CACNA1A: variants seen among roughly 807,000 people sequenced by gnomAD.
CACNA1A encodes the protein calcium voltage-gated channel subunit alpha1 A.
CACNA1A carries 57 observed loss-of-function variants against 262.4 expected under a neutral mutation model. The ratio of observed to expected loss-of-function variants is 0.22; its 90% CI spans 0.18 to 0.27. The LOEUF is 0.27. CACNA1A is among the 10% of genes least tolerant of loss of function. The pLI is 1.00. For missense variants in CACNA1A, 2,526 were observed against 3,562.8 expected, an observed-to-expected ratio of 0.71 and a Z score of 7.41; for synonymous variants, 1,431 against 1,419.3, an observed-to-expected ratio of 1.01 and a Z score of -0.18.
intron 3 of CACNA1A, among the ~76,000 whole-genome samples, chr19:13,374,065 T>C (rs1057487141): frequency 2.6e-5 from 4 of 151,962 alleles, no homozygotes; most frequent in African/African-American, 9.7e-5. Flanking sequence ...ATCTGGCCAG[T>C]GGGGAAAGAA....
chr19:13,223,888 G>A (rs2055334076), intron 38 of CACNA1A, among the ~76,000 whole-genome samples: 1 of 152,152 alleles, frequency 6.6e-6, no homozygotes, highest in Admixed American at 6.6e-5. Context: ...CAAATGGGCC[G>A]GGTGTGGTGG....
Position 13,207,507 on chromosome 19 carries a change from C to T in CACNA1A, c.7327G>A (p.Ala2443Thr), listed in dbSNP as rs533884784. The change falls in exon 47 of 47, where the codon GCG becomes ACG. Residue 2443 changes from alanine to threonine, a missense_variant. By Grantham distance (58) the Ala-to-Thr change is moderately conservative. Transcript: ENST00000360228. This position sits in a 1 kb window ranked among gnomAD's most constrained non-coding sequence, Gnocchi z 5.7. ...GAGCGCCCGGTGGCGCCCGAGGACG[C>T]GTGTCGTACGGGGGGTGGCGCGTCG... is the stretch of plus-strand genomic sequence containing the variant. ...AYDAPPPVRH[A>T]SSGATGRSPR... 124 of 1,426,160 alleles carry T rather than the reference C, an allele frequency of 8.7e-5. No homozygotes were observed. Among genetic ancestry groups the T allele is most frequent in the Admixed American group, 7.1e-4 (24 of 33,724 alleles). The allele number at this position is 1,426,160 out of a possible 1,614,324, so 88.3% of individuals were successfully genotyped here.
intron 19 of CACNA1A, among the ~76,000 whole-genome samples, chr19:13,288,910 A>C (rs1436123969): frequency 6.6e-6 from 1 of 152,158 alleles, no homozygotes; most frequent in African/African-American, 2.4e-5. Flanking sequence ...CGGTGTTTTT[A>C]GTAAGTGGAA....
chr19:13,258,113 C>T (rs2056621356), intron 27 of CACNA1A: 2 of 152,208 alleles, frequency 1.3e-5, no homozygotes, highest in African/African-American at 4.8e-5. Flanking sequence ...AATTCATCCC[C>T]ACCGGCTCAG....
intron 28 of CACNA1A, chr19:13,256,351 GAGA>G (rs1014783718): frequency 1.2e-4 from 19 of 152,296 alleles, no homozygotes; most frequent in African/African-American, 4.6e-4. Flanking sequence ...TTGAGGGAGA[GAGA>G]AGGAGGAATA....
At chr19:13,256,495 CCTTTT>C (rs201567046) in intron 28 of CACNA1A, 2,077 of 152,154 alleles carry the variant, frequency 0.014, 26 homozygotes, top group Non-Finnish European at 0.019. Context: ...GATTTTCTTT[CCTTTT>C]CTTTTTTTGA....
chr19:13,252,043 GGTGTGAGTCACT>G (rs1190820136), intron 30 of CACNA1A, among the ~76,000 whole-genome samples: 1 of 151,898 alleles, frequency 6.6e-6, no homozygotes, highest in Non-Finnish European at 1.5e-5. Context: ...TGGGATTACA[GGTGTGAGTCACT>G]GTGCCTGACC....
chr19:13,215,724 C>T (rs182059718), intron 38 of CACNA1A, among the ~76,000 whole-genome samples: 9 of 150,900 alleles, frequency 6.0e-5, no homozygotes, highest in African/African-American at 1.2e-4. Context: ...TCAAGAGATT[C>T]TCCCGCTTCA....
intron 30 of CACNA1A, among the ~76,000 whole-genome samples, chr19:13,250,287 T>C (rs977270505): frequency 6.6e-6 from 1 of 152,126 alleles, no homozygotes; most frequent in Non-Finnish European, 1.5e-5. Context: ...CTTGAACTCC[T>C]GACCTCAAGG....
chr19:13,393,178 A>T (rs1258190610), intron 3 of CACNA1A, among the ~76,000 whole-genome samples: 1 of 152,228 alleles, frequency 6.6e-6, no homozygotes, highest in Non-Finnish European at 1.5e-5. Context: ...ACCCACAGAC[A>T]TATCTGAGTG....
At chr19:13,371,017 G>T (rs1455815567) in intron 4 of CACNA1A, 1 of 152,096 alleles carries the variant, frequency 6.6e-6, no homozygotes, top group Admixed American at 6.6e-5. Flanking sequence ...CTTAAACGGG[G>T]ACTAGATGTA....
intron 5 of CACNA1A, chr19:13,363,920 G>A (rs1383106973): frequency 6.6e-6 from 1 of 152,272 alleles, no homozygotes; most frequent in Non-Finnish European, 1.5e-5. Flanking sequence ...TCATTCTGGA[G>A]CTTTAGAGAG....
intron 1 of CACNA1A, 90 bp downstream of exon 1, chr19:13,505,842 A>AC: frequency 7.3e-7 from 1 of 1,369,788 alleles, no homozygotes; most frequent in Non-Finnish European, 1.0e-6. Flanking sequence ...CCTCCCATCA[A>AC]CCCCCGGGTC....
rs184471492 is a variant in CACNA1A at position 13,267,115 on chromosome 19, C to G, written c.3990-4282G>C. Among the ~76,000 whole-genome samples, 14 of 151,432 alleles carry G rather than the reference C, an allele frequency of 9.2e-5. No individual in the cohort carries two copies. In the East Asian group the frequency reaches 2.7e-3, roughly 29 times the overall value. On this transcript the variant is annotated intron_variant, in intron 24 of 46. Coordinates refer to ENST00000360228, the MANE Select transcript of CACNA1A (RefSeq NM_001127222.2). ...CGAGGCTGCACCAGGGGACAGATCA[C>G]GAGAGACAGAATATGAGAGAGAGAG...
chr19:13,410,850 A>G (rs1039842281), intron 3 of CACNA1A, among the ~76,000 whole-genome samples: 2 of 152,126 alleles, frequency 1.3e-5, no homozygotes, highest in Non-Finnish European at 2.9e-5. Flanking sequence ...CTTGCATGAC[A>G]GCCAGCACCC....
chr19:13,388,580 C>G (rs552219868), intron 3 of CACNA1A, among the ~76,000 whole-genome samples: 1 of 152,308 alleles, frequency 6.6e-6, no homozygotes, highest in Non-Finnish European at 1.5e-5. Context: ...AATTCATTTT[C>G]TGAATCTTCA....
rs2054625994 is a variant in CACNA1A at position 13,207,878 on chromosome 19, TGCTGC to T, written c.6951_6955del (p.Gln2318AlafsTer183). 1 of 1,409,048 alleles carries T rather than the reference TGCTGC, an allele frequency of 7.1e-7. No individual in the cohort carries two copies. The allele number at this position is 1,409,048 out of a possible 1,614,324, so 87.3% of individuals were successfully genotyped here. On this transcript the variant is annotated frameshift_variant, in exon 47 of 47. Coordinates refer to ENST00000360228, the MANE Select transcript of CACNA1A (RefSeq NM_001127222.2). LOFTEE classifies it low-confidence loss of function (END_TRUNC). This position sits in a 1 kb window ranked among gnomAD's most constrained non-coding sequence, Gnocchi z 5.7. ...CACCGCCTGCTGCTGCTGCTGCTGCTGCTGCTGCTGCTGCTGCTGCGGGGGCCCCG... is the reference window on the plus strand; with the variant it reads ...CACCGCCTGCTGCTGCTGCTGCTGCTTGCTGCTGCTGCTGCGGGGGCCCCG...
rs112308728 is a variant in CACNA1A, at chr19:13,222,721, G to A, written c.5731+1946C>T. Reference sequence around the variant, plus strand: ...CAGCTTTTTTTTTTTTTGAGACAGCGTCTTGCTCTGTCATCCAGGCTGGAG... The same window carrying A: ...CAGCTTTTTTTTTTTTTGAGACAGCATCTTGCTCTGTCATCCAGGCTGGAG... On this transcript the variant is annotated intron_variant, in intron 38 of 46. Coordinates refer to ENST00000360228, the MANE Select transcript of CACNA1A (RefSeq NM_001127222.2). 1.5e-4 allele frequency among the ~76,000 whole-genome samples: 22 copies of A among 145,850 alleles called. 2 individuals carry two copies. Among genetic ancestry groups the A allele is most frequent in the African/African-American group, 5.6e-4 (22 of 39,266 alleles).
chr19:13,413,571 TAAAAAAAA>T (rs58314938), intron 3 of CACNA1A, among the ~76,000 whole-genome samples: 1 of 71,868 alleles, frequency 1.4e-5, no homozygotes, highest in African/African-American at 5.5e-5. Flanking sequence ...GGTCCTGTCT[TAAAAAAAA>T]AAAAAAAAAA....
Sources: gnomAD v4.1 joint callset for allele counts (sites outside exome capture counted in the v4.1 genomes callset) on GRCh38, gnomAD v4.1.1 for gene constraint, Gnocchi (gnomAD v3.1) non-coding constraint, MANE v1.5 for transcripts, NCBI Gene and HGNC (gene_info 2026-07-23, HGNC 2026-07-21) for gene names.